CRACDL: variants seen among roughly 807,000 people sequenced by gnomAD.
CRACDL encodes the protein CRACD-like protein.
CRACDL carries 26 observed loss-of-function variants against 70.6 expected under a neutral mutation model. The observed-to-expected ratio is 0.37, with a 90% confidence interval of 0.27 to 0.51. The LOEUF is 0.51. CRACDL is among the 20% of genes least tolerant of loss of function. CRACDL has a pLI of 0.94. For missense variants in CRACDL, 1,283 were observed against 1,376.9 expected (o/e 0.93, Z 1.08); for synonymous variants, 618 against 615.2 (o/e 1.00, Z -0.07).
chr2:98,842,316 AAATTT>A (rs1444625648), intron 2 of CRACDL, among the ~76,000 whole-genome samples: 3 of 151,838 alleles, frequency 2.0e-5, no homozygotes, highest in Non-Finnish European at 2.9e-5. Context: ...TATTTTACAT[AAATTT>A]AATTTAAAAT....
chr2:98,838,620 T>C (rs1460011301), intron 2 of CRACDL, among the ~76,000 whole-genome samples: 1 of 152,150 alleles, frequency 6.6e-6, no homozygotes, highest in Non-Finnish European at 1.5e-5. Context: ...TGAGCTATGA[T>C]TGCACCGCTA....
intron 1 of CRACDL, among the ~76,000 whole-genome samples, chr2:98,852,391 G>T (rs1444168690): frequency 6.6e-6 from 1 of 152,060 alleles, no homozygotes; most frequent in African/African-American, 2.4e-5. Flanking sequence ...GACAGCATAG[G>T]TTCCAGAGTT....
intron 1 of CRACDL, 107 bp from the exon 2 acceptor site, chr2:98,846,917 C>A (rs929958358): frequency 2.4e-5 from 21 of 892,676 alleles, no homozygotes; most frequent in Non-Finnish European, 3.7e-5. Context: ...CTGCACACAC[C>A]CCAGCAAAGA....
chr2:98,901,333 T>C (rs1022457469), intron 1 of CRACDL, among the ~76,000 whole-genome samples: 1 of 152,100 alleles, frequency 6.6e-6, no homozygotes, highest in African/African-American at 2.4e-5. Context: ...CCTCTGGTTT[T>C]AGTTCCCACC....
At position 98,795,072 on chromosome 2, in the gene CRACDL, TA is replaced by T. The variant is rs1559194989; in HGVS notation, c.2750-402del. On this transcript the variant is annotated intron_variant, in intron 9 of 9. Transcript: ENST00000397899. ...ATATATATATATATATATATATATA[TA>T]TATATTTTTTTTTTTTTTTGAGACA... 6.8e-5 allele frequency among the ~76,000 whole-genome samples: 4 copies of T among 58,832 alleles called. 1 individual carries two copies. Among genetic ancestry groups the T allele is most frequent in the Admixed American group, 4.7e-4 (2 of 4,224 alleles). 38.6% of individuals were successfully genotyped at this position (58,832 alleles called of 152,430 possible).
chr2:98,913,790 T>C (rs1708601083), intron 1 of CRACDL, among the ~76,000 whole-genome samples: 1 of 152,200 alleles, frequency 6.6e-6, no homozygotes, highest in Non-Finnish European at 1.5e-5. Context: ...GGCAATCCTT[T>C]TCTTGCAGGG....
chr2:98,888,404 G>A (rs1369650828), intron 1 of CRACDL, among the ~76,000 whole-genome samples: 1 of 152,132 alleles, frequency 6.6e-6, no homozygotes, highest in Non-Finnish European at 1.5e-5. Context: ...ATATGTAAGA[G>A]CAAAGTTTTT....
At chr2:98,876,514 C>T (rs1449565474) in intron 1 of CRACDL, among the ~76,000 whole-genome samples, 2 of 152,114 alleles carry the variant, frequency 1.3e-5, no homozygotes, top group African/African-American at 2.4e-5. Flanking sequence ...TTGTGAACTG[C>T]GCCATGTGAG....
chr2:98,864,089 C>CA (rs750237865), intron 1 of CRACDL, among the ~76,000 whole-genome samples: 2 of 151,590 alleles, frequency 1.3e-5, no homozygotes, highest in African/African-American at 4.8e-5. Flanking sequence ...AAAACGTGCA[C>CA]AAAAAAACCT....
rs574314782 is a variant in CRACDL, at chr2:98,889,860, T to C, written c.-10-43050A>G. On this transcript the variant is annotated intron_variant, in intron 1 of 9. Coordinates refer to ENST00000397899, the MANE Select transcript of CRACDL (RefSeq NM_207362.3). The stretch of plus-strand genomic sequence containing the variant: ...TTAGAAATCACTAACAAAAGAAATT[T>C]GAGAAATTCACAAATAGATTGAAAT... Among the ~76,000 whole-genome samples, 3 of 152,234 alleles carry C rather than the reference T, an allele frequency of 2.0e-5. No homozygotes were observed. In the South Asian group the frequency reaches 6.2e-4, roughly 32 times the overall value.
intron 1 of CRACDL, among the ~76,000 whole-genome samples, chr2:98,868,144 A>G (rs1475122255): frequency 2.6e-5 from 4 of 152,218 alleles, no homozygotes; most frequent in Non-Finnish European, 5.9e-5. Flanking sequence ...TTTACCCAGT[A>G]CAAGGCCCTG....
chr2:98,917,779 C>T (rs1437433047), intron 1 of CRACDL, among the ~76,000 whole-genome samples: 1 of 152,196 alleles, frequency 6.6e-6, no homozygotes, highest in Non-Finnish European at 1.5e-5. Context: ...TCATCTCTCA[C>T]CCATTAATCC....
At chr2:98,870,330 T>C (rs866510108) in intron 1 of CRACDL, among the ~76,000 whole-genome samples, 1 of 152,240 alleles carries the variant, frequency 6.6e-6, no homozygotes, top group East Asian at 1.9e-4. Context: ...AAATGGCAAC[T>C]GTATATAGAA....
In CRACDL at chr2:98,827,008, G is replaced by C. The variant is rs990740380; in HGVS notation, c.702C>G (p.Asn234Lys). The change falls in exon 6 of 10, where the codon AAC becomes AAG. Residue 234 changes from asparagine (N) to lysine (K), a missense_variant. This residue lies in a region of CRACDL where 362 missense variants were observed against 495.0 expected (regional missense o/e 0.73). Coordinates refer to ENST00000397899, the MANE Select transcript of CRACDL (RefSeq NM_207362.3). ...AKHKLQVKPR[N>K]QRSSKMRRLS... is the part of the protein sequence containing the mutation. The stretch of plus-strand genomic sequence containing the variant: ...GCCGCCTCATCTTACTCGACCGCTG[G>C]TTGCGGGGCTTGACCTGGAGCTTGT... The C allele has an allele frequency of 3.7e-6, 6 of 1,613,872 alleles. No homozygotes were observed. The Admixed American group carries it at 8.3e-5, about 22-fold the overall frequency.
chr2:98,863,363 C>G (rs1376706546), intron 1 of CRACDL, among the ~76,000 whole-genome samples: 1 of 152,158 alleles, frequency 6.6e-6, no homozygotes, highest in African/African-American at 2.4e-5. Context: ...CTGAGGGAGT[C>G]TGTTACTACT....
At chr2:98,875,214 G>A (rs376451644) in intron 1 of CRACDL, among the ~76,000 whole-genome samples, 1 of 152,246 alleles carries the variant, frequency 6.6e-6, no homozygotes, top group Non-Finnish European at 1.5e-5. Context: ...ACGAGTCACA[G>A]AAGAGAGTGT....
Position 98,823,156 on chromosome 2 carries a change from C to T in CRACDL, c.1117G>A (p.Gly373Arg). The change falls in exon 7 of 10, where the codon GGG becomes AGG. Residue 373 changes from glycine to arginine, a missense_variant. Around this residue, in one of 2 missense-constraint regions of CRACDL, gnomAD observed 921 missense variants for 881.9 expected, o/e 1.04. Coordinates refer to ENST00000397899, the MANE Select transcript of CRACDL (RefSeq NM_207362.3). The surrounding 1 kb of genome is among the most constrained non-coding windows in gnomAD (Gnocchi z 4.0). ...NPGPDGGKQD[G>R]EAPPAGPCAP... ...CACGGGCCTGCGGGGGGCGCCTCCCCATCCTGCTTTCCGCCGTCGGGACCG... is the reference window on the plus strand; with the variant it reads ...CACGGGCCTGCGGGGGGCGCCTCCCTATCCTGCTTTCCGCCGTCGGGACCG... 7.1e-6 allele frequency: 11 copies of T among 1,549,754 alleles called. No homozygotes were observed. The highest frequency in any genetic ancestry group is 9.6e-6 in the Non-Finnish European group (11 of 1,151,794).
rs568546781 is a variant in CRACDL at position 98,885,882 on chromosome 2, A to T, written c.-10-39072T>A. 1.2e-4 allele frequency among the ~76,000 whole-genome samples: 18 copies of T among 151,782 alleles called. No homozygotes were observed. In the East Asian group the frequency reaches 2.9e-3, roughly 24 times the overall value. ...AAAATGACAGAATAAGGATCTCCAA[A>T]AACTCTCTCCCCCATGAAAATAATG... On this transcript the variant is annotated intron_variant, in intron 1 of 9. Transcript: ENST00000397899.
At chr2:98,825,254 A>G (rs889043298) in intron 6 of CRACDL, among the ~76,000 whole-genome samples, 1 of 152,174 alleles carries the variant, frequency 6.6e-6, no homozygotes, top group Admixed American at 6.5e-5. Context: ...TCAGATATCC[A>G]TGCCCGCTCC....
Sources: gnomAD v4.1 joint callset for allele counts (sites outside exome capture counted in the v4.1 genomes callset) on GRCh38, gnomAD v4.1.1 for gene constraint, gnomAD v4.1.1 regional missense constraint, Gnocchi (gnomAD v3.1) non-coding constraint, MANE v1.5 for transcripts, NCBI Gene and HGNC (gene_info 2026-07-23, HGNC 2026-07-21) for gene names.